The following PRKG1 variants were observed in gnomAD, a reference collection of about 807,000 sequenced individuals.
PRKG1 encodes the protein cGMP-dependent protein kinase 1.
Under a neutral mutation model 88.1 loss-of-function variants are expected in PRKG1, and 35 were observed. The observed-to-expected ratio is 0.40, with a 90% CI of 0.30 to 0.53. PRKG1 has a LOEUF of 0.53. Ranked by LOEUF, PRKG1 falls within the 20% of genes least tolerant of loss-of-function variation. The pLI, the probability that PRKG1 is intolerant of heterozygous loss-of-function variation, is 0.59. For missense variants in PRKG1, 540 were observed against 839.8 expected (o/e 0.64, Z 4.41); for synonymous variants, 303 against 292.5 (o/e 1.04, Z -0.37).
intron 3 of PRKG1, among the ~76,000 whole-genome samples, chr10:51,534,808 A>G (rs1470916122): frequency 2.0e-5 from 3 of 152,164 alleles, no homozygotes; most frequent in Non-Finnish European, 4.4e-5. Context: ...TGAATAACTA[A>G]TTTTATCTAG....
intron 5 of PRKG1, among the ~76,000 whole-genome samples, chr10:51,966,283 A>G (rs1404167302): frequency 2.0e-5 from 3 of 152,044 alleles, no homozygotes; most frequent in African/African-American, 7.2e-5. Flanking sequence ...GTAATCTCTT[A>G]TTATTACCAT....
At chr10:51,577,980 C>A (rs979599555) in intron 3 of PRKG1, among the ~76,000 whole-genome samples, 5 of 152,188 alleles carry the variant, frequency 3.3e-5, no homozygotes, top group African/African-American at 1.2e-4. Context: ...GTAGGCTACA[C>A]TGAAATTAAC....
intron 7 of PRKG1, among the ~76,000 whole-genome samples, chr10:52,116,419 T>C (rs1847689164): frequency 1.3e-5 from 2 of 152,182 alleles, no homozygotes; most frequent in African/African-American, 4.8e-5. Flanking sequence ...GCCGATGTTA[T>C]TCTATTCTGT....
chr10:51,409,409 C>T (rs771757802), intron 2 of PRKG1, among the ~76,000 whole-genome samples: 39 of 152,134 alleles, frequency 2.6e-4, no homozygotes, highest in South Asian at 1.2e-3. Flanking sequence ...GATTTCCGTT[C>T]GATGATTGAA....
intron 3 of PRKG1, among the ~76,000 whole-genome samples, chr10:51,629,569 G>A (rs1839472110): frequency 6.6e-6 from 1 of 151,998 alleles, no homozygotes; most frequent in African/African-American, 2.4e-5. Flanking sequence ...AACATAAGAT[G>A]TTGGAAATGG....
chr10:51,430,128 A>C (rs1290379928), intron 2 of PRKG1, among the ~76,000 whole-genome samples: 1 of 151,934 alleles, frequency 6.6e-6, no homozygotes, highest in African/African-American at 2.4e-5. Flanking sequence ...TTAAAAAAAA[A>C]AAAAAAGCCA....
At chr10:51,035,592 T>C (rs535465679) in intron 1 of PRKG1, among the ~76,000 whole-genome samples, 2 of 152,316 alleles carry the variant, frequency 1.3e-5, no homozygotes, top group South Asian at 4.1e-4. Flanking sequence ...GCTCCTTACT[T>C]AGCTCTGTAG....
intron 2 of PRKG1, among the ~76,000 whole-genome samples, chr10:51,273,669 G>A (rs1033057424): frequency 3.9e-5 from 6 of 152,248 alleles, no homozygotes; most frequent in Non-Finnish European, 7.3e-5. Context: ...CACATAAGAA[G>A]ACAGATTTCT....
intron 3 of PRKG1, among the ~76,000 whole-genome samples, chr10:51,786,553 T>C (rs1263280074): frequency 6.6e-6 from 1 of 152,136 alleles, no homozygotes; most frequent in Non-Finnish European, 1.5e-5. Flanking sequence ...TTGATGTTCC[T>C]GTGGGAGGCT....
chr10:51,141,241 G>A lies in PRKG1; in HGVS notation c.312-11923G>A, dbSNP rs965460412. 9.9e-4 allele frequency among the ~76,000 whole-genome samples: 150 copies of A among 152,164 alleles called. 3 individuals carry two copies. Among genetic ancestry groups the A allele is most frequent in the Non-Finnish European group, 3.1e-4 (21 of 68,028 alleles). ...GTTAACTGCAGTTCAAGCATACACTGTGCTCTGAATCCCATGTCTTTTGCA... is the reference window on the plus strand; with the variant it reads ...GTTAACTGCAGTTCAAGCATACACTATGCTCTGAATCCCATGTCTTTTGCA... On this transcript the variant is annotated intron_variant, in intron 1 of 17. Transcript: ENST00000373980.
intron 3 of PRKG1, among the ~76,000 whole-genome samples, chr10:51,772,058 CT>C (rs1332099140): frequency 1.3e-5 from 2 of 151,934 alleles, no homozygotes; most frequent in Non-Finnish European, 2.9e-5. Flanking sequence ...ATTGATTCGA[CT>C]TTTGATATTT....
At chr10:52,263,801 G>A (rs559268783) in intron 10 of PRKG1, among the ~76,000 whole-genome samples, 2 of 151,990 alleles carry the variant, frequency 1.3e-5, no homozygotes, top group South Asian at 2.1e-4. Flanking sequence ...CAACTTGTGA[G>A]CTCAAGTGAT....
chr10:51,514,680 G>T (rs1333540106), intron 3 of PRKG1, among the ~76,000 whole-genome samples: 1 of 152,210 alleles, frequency 6.6e-6, no homozygotes, highest in Non-Finnish European at 1.5e-5. Context: ...AGTCAATAAG[G>T]AGAAGGGTGA....
At chr10:51,004,943 G>A (rs1259853951) in intron 1 of PRKG1, among the ~76,000 whole-genome samples, 2 of 151,932 alleles carry the variant, frequency 1.3e-5, no homozygotes, top group Non-Finnish European at 2.9e-5. Flanking sequence ...AAGTCTCTCA[G>A]CTACTTTTTT....
At chr10:51,509,454 T>TA (rs1477320575) in intron 3 of PRKG1, among the ~76,000 whole-genome samples, 2 of 152,224 alleles carry the variant, frequency 1.3e-5, no homozygotes, top group African/African-American at 2.4e-5. Flanking sequence ...AACGTATCTG[T>TA]AGAGGTAGTG....
At chr10:52,258,601 C>T (rs1274629127) in intron 10 of PRKG1, among the ~76,000 whole-genome samples, 2 of 151,942 alleles carry the variant, frequency 1.3e-5, no homozygotes, top group African/African-American at 4.8e-5. Flanking sequence ...GATTTTTTAA[C>T]TAGAAGCTTA....
intron 3 of PRKG1, among the ~76,000 whole-genome samples, chr10:51,760,929 A>G (rs1046973915): frequency 6.6e-6 from 1 of 152,094 alleles, no homozygotes; most frequent in African/African-American, 2.4e-5. Context: ...AGCCTAGCCA[A>G]CATGGTGAAA....
At chr10:52,258,737 A>C (rs1175869497) in intron 10 of PRKG1, among the ~76,000 whole-genome samples, 1 of 152,144 alleles carries the variant, frequency 6.6e-6, no homozygotes, top group Admixed American at 6.6e-5. Flanking sequence ...AAGAAAGAAG[A>C]TAAGATTAAC....
chr10:51,631,805 G>T (rs951938395), intron 3 of PRKG1, among the ~76,000 whole-genome samples: 3 of 152,202 alleles, frequency 2.0e-5, no homozygotes, highest in Non-Finnish European at 4.4e-5. Context: ...ATGGAGAGTG[G>T]CATAAATGCA....
Sources: allele counts gnomAD v4.1 joint callset (sites outside exome capture counted in the v4.1 genomes callset), GRCh38; gene constraint gnomAD v4.1.1; transcripts MANE v1.5; gene names NCBI Gene and HGNC (gene_info 2026-07-23, HGNC 2026-07-21).